FRMD4A: variants seen among roughly 807,000 people sequenced by gnomAD.
The protein encoded by FRMD4A is FERM domain-containing protein 4A.
FRMD4A carries 29 observed loss-of-function variants against 129.1 expected under a neutral mutation model. The ratio of observed to expected loss-of-function variants is 0.22; its 90% CI spans 0.17 to 0.31. The LOEUF (loss-of-function observed/expected upper bound fraction) is 0.31, where lower values mean the gene tolerates loss of function less well. FRMD4A is among the 10% of genes least tolerant of loss of function. The pLI, the probability that FRMD4A is intolerant of heterozygous loss-of-function variation, is 1.00. For synonymous variants in FRMD4A, 634 were observed against 571.6 expected (o/e 1.11, Z -1.56); for missense variants, 1,272 against 1,375.8 (o/e 0.92, Z 1.19).
intron 9 of FRMD4A, among the ~76,000 whole-genome samples, chr10:13,742,319 G>A (rs1391437277): frequency 1.3e-5 from 2 of 152,180 alleles, no homozygotes; most frequent in African/African-American, 4.8e-5. Context: ...CAGGGAAGCA[G>A]GTGCAGGCAG....
intron 6 of FRMD4A, among the ~76,000 whole-genome samples, chr10:13,763,015 C>G (rs1472129383): frequency 6.6e-6 from 1 of 152,130 alleles, no homozygotes; most frequent in Non-Finnish European, 1.5e-5. Context: ...GCCTTATTTT[C>G]TGAGGAATTG....
chr10:14,087,115 G>A (rs1247487776), intron 2 of FRMD4A, among the ~76,000 whole-genome samples: 1 of 151,720 alleles, frequency 6.6e-6, no homozygotes, highest in Non-Finnish European at 1.5e-5. Flanking sequence ...CGGGGGGTGG[G>A]CATGTGGTTT....
At chr10:14,131,214 T>C (rs1218627528) in intron 2 of FRMD4A, among the ~76,000 whole-genome samples, 2 of 151,938 alleles carry the variant, frequency 1.3e-5, no homozygotes, top group South Asian at 2.1e-4. Context: ...TTCACAAATC[T>C]CTCCTCTAAC....
intron 6 of FRMD4A, among the ~76,000 whole-genome samples, chr10:13,767,811 G>A (rs916666015): frequency 6.6e-6 from 1 of 152,104 alleles, no homozygotes; most frequent in African/African-American, 2.4e-5. Flanking sequence ...CCGTGCTCTT[G>A]CGGCCATTGG....
At chr10:14,034,972 T>G (rs1347398362) in intron 2 of FRMD4A, among the ~76,000 whole-genome samples, 2 of 152,176 alleles carry the variant, frequency 1.3e-5, no homozygotes, top group African/African-American at 4.8e-5. Flanking sequence ...TGGGTTCAGT[T>G]TCCTCATGTG....
chr10:13,891,709 G>A, intron 2 of FRMD4A: 1 of 985,006 alleles, frequency 1.0e-6, no homozygotes, highest in Non-Finnish European at 1.2e-6. Flanking sequence ...CATTCGCCCG[G>A]GCGAAGGCCC....
intron 2 of FRMD4A, among the ~76,000 whole-genome samples, chr10:13,955,111 G>GTTTTTTTTTTTTTTTT (rs1565107008): frequency 2.1e-4 from 7 of 33,094 alleles, no homozygotes; most frequent in Admixed American, 8.1e-4. Context: ...TAATAATTCT[G>GTTTTTTTTTTTTTTTT]CTTTTTTTTT....
intron 16 of FRMD4A, 56 bp from the exon 17 acceptor site, chr10:13,670,584 C>T: frequency 6.3e-7 from 1 of 1,587,998 alleles, no homozygotes; most frequent in Non-Finnish European, 8.6e-7. Flanking sequence ...GGCGTGTCTG[C>T]TTCCTAGAAC....
At chr10:14,001,109 C>A (rs900485676) in intron 2 of FRMD4A, among the ~76,000 whole-genome samples, 1 of 152,142 alleles carries the variant, frequency 6.6e-6, no homozygotes, top group Non-Finnish European at 1.5e-5. Context: ...CCCAAATCAT[C>A]GATCTTGGTA....
intron 2 of FRMD4A, among the ~76,000 whole-genome samples, chr10:14,139,262 T>A (rs773268354): frequency 5.9e-5 from 9 of 152,154 alleles, no homozygotes; most frequent in Non-Finnish European, 1.2e-4. Context: ...ATAAGAAGTA[T>A]CTTATGAATA....
chr10:13,990,172 G>T (rs1430124640), intron 2 of FRMD4A, among the ~76,000 whole-genome samples: 1 of 152,172 alleles, frequency 6.6e-6, no homozygotes, highest in Non-Finnish European at 1.5e-5. Flanking sequence ...AACCTCAAAG[G>T]GCTGCTCTGA....
At chr10:14,046,040 T>G (rs1833980884) in intron 2 of FRMD4A, among the ~76,000 whole-genome samples, 1 of 151,214 alleles carries the variant, frequency 6.6e-6, no homozygotes, top group Non-Finnish European at 1.5e-5. Context: ...TCAATATGTA[T>G]GTATTGAAAA....
At chr10:14,195,859 C>T (rs1842457747) in intron 2 of FRMD4A, among the ~76,000 whole-genome samples, 1 of 152,212 alleles carries the variant, frequency 6.6e-6, no homozygotes, top group Non-Finnish European at 1.5e-5. Flanking sequence ...TGTCCTGTCA[C>T]AGTTCTTCAC....
At chr10:13,987,940 C>CA (rs1179344766) in intron 2 of FRMD4A, among the ~76,000 whole-genome samples, 1 of 152,178 alleles carries the variant, frequency 6.6e-6, no homozygotes, top group African/African-American at 2.4e-5. Flanking sequence ...CAGGAGCACT[C>CA]AATGTCATCG....
intron 2 of FRMD4A, among the ~76,000 whole-genome samples, chr10:14,207,487 A>G (rs1321039091): frequency 6.6e-6 from 1 of 152,202 alleles, no homozygotes; most frequent in African/African-American, 2.4e-5. Flanking sequence ...CCTGGTCTAT[A>G]GTACAATATA....
Position 13,657,441 on chromosome 10 carries a change from G to A in FRMD4A, c.2148C>T (p.Gly716=), listed in dbSNP as rs778845166. The part of the protein sequence containing the change: ...RHRSSSLESQ[G]KLLGSENDTG... ...TGTCGTTTTCCGAGCCCAGGAGCTT[G>A]CCCTGGGACTCCAGGCTGGAGCTCC... is the stretch of plus-strand genomic sequence containing the variant. Residue 716 remains glycine (G), a synonymous_variant, in exon 22 of 25, where the codon GGC becomes GGT. Transcript: ENST00000357447. The A allele has an allele frequency of 1.2e-6, 2 of 1,612,536 alleles. No individual in the cohort carries two copies. The highest frequency in any genetic ancestry group is 1.7e-6 in the Non-Finnish European group (2 of 1,179,918).
At chr10:14,264,715 A>G (rs1027771813) in intron 2 of FRMD4A, among the ~76,000 whole-genome samples, 2 of 152,168 alleles carry the variant, frequency 1.3e-5, no homozygotes, top group Non-Finnish European at 2.9e-5. Flanking sequence ...TCTAGATTTC[A>G]TTGATACAAG....
At chr10:13,748,368 T>C (rs574574501) in intron 8 of FRMD4A, among the ~76,000 whole-genome samples, 75 of 152,362 alleles carry the variant, frequency 4.9e-4, no homozygotes, top group Non-Finnish European at 9.3e-4. Context: ...GGAGTCTCCT[T>C]TATCGGAAAT....
At chr10:13,735,197 T>C (rs545672853) in intron 12 of FRMD4A, among the ~76,000 whole-genome samples, 1 of 152,284 alleles carries the variant, frequency 6.6e-6, no homozygotes, top group Non-Finnish European at 1.5e-5. Context: ...TTTGAGCGAA[T>C]GAATGAGTGA....
Sources: allele counts gnomAD v4.1 joint callset (sites outside exome capture counted in the v4.1 genomes callset), GRCh38; gene constraint gnomAD v4.1.1; transcripts MANE v1.5; gene names NCBI Gene and HGNC (gene_info 2026-07-23, HGNC 2026-07-21).